RAB27B: variants seen among roughly 807,000 people sequenced by gnomAD.
The protein encoded by RAB27B is ras-related protein Rab-27B.
In RAB27B, 15 loss-of-function variants were observed where a neutral mutation model predicts 24.6. The observed-to-expected ratio is 0.61, with a 90% CI of 0.41 to 0.94. RAB27B has a LOEUF of 0.94. RAB27B is among the 40% of genes least tolerant of loss of function. The probability of loss-of-function intolerance (pLI) is 0.00; values close to 1 mark genes in which losing one functional copy is unlikely to be tolerated. For synonymous variants in RAB27B, 105 were observed against 92.5 expected, an observed-to-expected ratio of 1.14 and a Z score of -0.78; for missense variants, 261 against 266.8, an observed-to-expected ratio of 0.98 and a Z score of 0.15.
intron 2 of RAB27B, among the ~76,000 whole-genome samples, chr18:54,806,196 G>A (rs980918708): frequency 6.6e-6 from 1 of 152,062 alleles, no homozygotes; most frequent in East Asian, 1.9e-4. Flanking sequence ...TATGTTGACA[G>A]CCAGCACAGA....
At chr18:54,755,831 G>A (rs565881503) in intron 2 of RAB27B, among the ~76,000 whole-genome samples, 14 of 152,248 alleles carry the variant, frequency 9.2e-5, no homozygotes, top group African/African-American at 3.1e-4. Flanking sequence ...AATCATCTTG[G>A]TATCAGTGGG....
intron 2 of RAB27B, among the ~76,000 whole-genome samples, chr18:54,814,738 A>T (rs896651892): frequency 6.6e-6 from 1 of 152,204 alleles, no homozygotes; most frequent in Non-Finnish European, 1.5e-5. Context: ...TTCTAAAACC[A>T]CATTAATCTT....
intron 2 of RAB27B, among the ~76,000 whole-genome samples, chr18:54,818,720 G>A (rs997961025): frequency 4.6e-5 from 7 of 152,166 alleles, no homozygotes; most frequent in Non-Finnish European, 1.0e-4. Flanking sequence ...ACAATCAGGA[G>A]AGAGGTTTGA....
chr18:54,767,752 G>A (rs1473087600), intron 2 of RAB27B, among the ~76,000 whole-genome samples: 1 of 152,134 alleles, frequency 6.6e-6, no homozygotes, highest in African/African-American at 2.4e-5. Context: ...CACAAAATAA[G>A]CATAAATGCC....
At position 54,855,587 on chromosome 18, in the gene RAB27B, G is replaced by A. The variant is rs568369425; in HGVS notation, c.-19-21980G>A. Among the ~76,000 whole-genome samples the A allele has an allele frequency of 7.2e-5, 11 of 152,212 alleles. 1 individual carries two copies. The East Asian group carries it at 9.7e-4, about 13-fold the overall frequency. On this transcript the variant is annotated intron_variant, in intron 1 of 5. Coordinates refer to ENST00000262094, the MANE Select transcript of RAB27B (RefSeq NM_004163.4). ...ACCCTTGAGCACCTAAATAAGACCC[G>A]TTCCAGTACCTCATTAAAATCCCCA...
intron 2 of RAB27B, among the ~76,000 whole-genome samples, chr18:54,768,252 G>A (rs1191253807): frequency 2.0e-5 from 3 of 152,162 alleles, no homozygotes; most frequent in Non-Finnish European, 4.4e-5. Context: ...ACACAAAAAT[G>A]TTCCTATGGA....
intron 2 of RAB27B, among the ~76,000 whole-genome samples, chr18:54,820,257 T>C (rs1014602957): frequency 6.6e-6 from 1 of 152,202 alleles, no homozygotes; most frequent in African/African-American, 2.4e-5. Flanking sequence ...GTGTTCCTGT[T>C]TCTCCACATC....
At chr18:54,778,829 CTA>C (rs1454677359) in intron 2 of RAB27B, among the ~76,000 whole-genome samples, 23 of 151,210 alleles carry the variant, frequency 1.5e-4, no homozygotes, top group African/African-American at 5.4e-4. Context: ...TCTTTACTTT[CTA>C]TACAGTTAAG....
intron 1 of RAB27B, among the ~76,000 whole-genome samples, chr18:54,856,357 G>C (rs868514483): frequency 1.3e-5 from 2 of 152,352 alleles, no homozygotes; most frequent in Middle Eastern, 3.4e-3. Flanking sequence ...TATTAGTAGA[G>C]AACTAGCCAG....
intron 3 of RAB27B, among the ~76,000 whole-genome samples, chr18:54,881,126 G>A (rs1486053758): frequency 1.3e-5 from 2 of 152,154 alleles, no homozygotes; most frequent in African/African-American, 4.8e-5. Flanking sequence ...TGTTTCTTCT[G>A]TGATCCTAGT....
Position 54,847,244 on chromosome 18 carries a change from T to C in RAB27B, c.-20+18544T>C, listed in dbSNP as rs1456812022. 2.0e-5 allele frequency among the ~76,000 whole-genome samples: 3 copies of C among 152,364 alleles called. No homozygotes were observed. In the East Asian group the frequency reaches 5.8e-4, roughly 29 times the overall value. On this transcript the variant is annotated intron_variant, in intron 1 of 5. Transcript: ENST00000262094. The stretch of plus-strand genomic sequence containing the variant: ...ACATTCCTACAGGGATCTGAAGTTT[T>C]GTATGTTTCTGGGGCTCTGACATAA...
At chr18:54,811,115 A>G (rs1047009989) in intron 2 of RAB27B, among the ~76,000 whole-genome samples, 11 of 152,144 alleles carry the variant, frequency 7.2e-5, no homozygotes, top group Non-Finnish European at 1.0e-4. Context: ...TAGTCTCCCC[A>G]TGCTTTATCA....
intron 2 of RAB27B, among the ~76,000 whole-genome samples, chr18:54,756,458 G>A (rs189279850): frequency 1.3e-4 from 20 of 151,892 alleles, no homozygotes; most frequent in African/African-American, 4.3e-4. Context: ...TTTCTACCAT[G>A]TTTTTTTTCC....
At chr18:54,882,059 C>A (rs1399237579) in intron 3 of RAB27B, among the ~76,000 whole-genome samples, 1 of 152,060 alleles carries the variant, frequency 6.6e-6, no homozygotes, top group Non-Finnish European at 1.5e-5. Context: ...GCACTATAAT[C>A]TCTGTGGGCT....
intron 4 of RAB27B, among the ~76,000 whole-genome samples, chr18:54,886,376 C>T (rs749726212): frequency 9.2e-5 from 14 of 152,056 alleles, no homozygotes; most frequent in African/African-American, 4.8e-5. Flanking sequence ...GTGCCTGGCA[C>T]AGAGTAGATG....
At chr18:54,875,905 A>T (rs1188289799) in intron 1 of RAB27B, among the ~76,000 whole-genome samples, 1 of 152,186 alleles carries the variant, frequency 6.6e-6, no homozygotes, top group African/African-American at 2.4e-5. Context: ...TACATGTACC[A>T]ATTTTTTTAC....
intron 1 of RAB27B, among the ~76,000 whole-genome samples, chr18:54,829,383 G>GA (rs956146542): frequency 6.6e-6 from 1 of 152,170 alleles, no homozygotes; most frequent in Non-Finnish European, 1.5e-5. Context: ...GCATTCCTAG[G>GA]AAAAAGCTGT....
chr18:54,719,391 T>C (rs1274024381), intron 2 of RAB27B, among the ~76,000 whole-genome samples: 1 of 152,078 alleles, frequency 6.6e-6, no homozygotes, highest in African/African-American at 2.4e-5. Flanking sequence ...TTACTGTTTT[T>C]TAAATATTTT....
Position 54,884,376 on chromosome 18 carries a change from T to G in RAB27B, c.283T>G (p.Phe95Val). The G allele has an allele frequency of 6.2e-7, 1 of 1,613,090 alleles. No individual in the cohort carries two copies. The highest frequency in any genetic ancestry group is 8.5e-7 in the Non-Finnish European group (1 of 1,179,214). ...TTAFFRDAMGFLLMFDLTSQQ... is the reference protein window; with the variant it reads ...TTAFFRDAMGVLLMFDLTSQQ... Reference sequence around the variant, plus strand: ...TGCATTTTTCAGAGACGCCATGGGCTTCTTATTAATGTTTGACCTCACCAG... The same window carrying G: ...TGCATTTTTCAGAGACGCCATGGGCGTCTTATTAATGTTTGACCTCACCAG... Residue 95 changes from phenylalanine to valine, a missense_variant, in exon 4 of 6, where the codon TTC becomes GTC. Physicochemically the swap from Phe to Val is conservative, Grantham distance 50. Coordinates refer to ENST00000262094, the MANE Select transcript of RAB27B (RefSeq NM_004163.4).
Sources: allele counts gnomAD v4.1 joint callset (sites outside exome capture counted in the v4.1 genomes callset), GRCh38; gene constraint gnomAD v4.1.1; transcripts MANE v1.5; gene names NCBI Gene and HGNC (gene_info 2026-07-23, HGNC 2026-07-21).